APBB1IP: variants seen among roughly 807,000 people sequenced by gnomAD.
The protein encoded by APBB1IP is amyloid beta A4 precursor protein-binding family B member 1-interacting protein.
A neutral mutation model predicts 64.9 loss-of-function variants in APBB1IP; 27 were observed. The observed-to-expected ratio is 0.42, with a 90% CI of 0.31 to 0.57. The LOEUF is 0.57. APBB1IP is among the 20% of genes least tolerant of loss of function. The pLI, the probability that APBB1IP is intolerant of heterozygous loss-of-function variation, is 0.20. For synonymous variants in APBB1IP, 392 were observed against 331.0 expected (o/e 1.18, Z -2.00); for missense variants, 812 against 845.5 (o/e 0.96, Z 0.49).
intron 2 of APBB1IP, among the ~76,000 whole-genome samples, chr10:26,448,486 A>G (rs1835426415): frequency 6.6e-6 from 1 of 152,362 alleles, no homozygotes; most frequent in Admixed American, 6.5e-5. Flanking sequence ...TGAATTGGGC[A>G]GTGCAGATTG....
intron 7 of APBB1IP, among the ~76,000 whole-genome samples, chr10:26,512,664 T>C (rs1250074693): frequency 6.6e-6 from 1 of 152,122 alleles, no homozygotes; most frequent in East Asian, 1.9e-4. Flanking sequence ...TACAGTGCAA[T>C]GGCGCAATCA....
chr10:26,524,091 G>A (rs765014702), intron 8 of APBB1IP, among the ~76,000 whole-genome samples: 1 of 152,156 alleles, frequency 6.6e-6, no homozygotes, highest in Non-Finnish European at 1.5e-5. Flanking sequence ...TAAGAAGCCA[G>A]ACGATCTCTG....
chr10:26,511,649 C>G, intron 6 of APBB1IP, 98 bp from the exon 7 acceptor site: 2 of 1,412,110 alleles, frequency 1.4e-6, no homozygotes, highest in Non-Finnish European at 1.9e-6. Context: ...CACATTCTTA[C>G]AGAAATTTGC....
At chr10:26,439,715 G>T (rs1835319677) in intron 2 of APBB1IP, among the ~76,000 whole-genome samples, 1 of 152,178 alleles carries the variant, frequency 6.6e-6, no homozygotes. Context: ...ACGAGACGGA[G>T]TACTAGAGGA....
chr10:26,510,867 C>A (rs1427723454), intron 6 of APBB1IP, among the ~76,000 whole-genome samples: 1 of 152,002 alleles, frequency 6.6e-6, no homozygotes, highest in Non-Finnish European at 1.5e-5. Context: ...CTCAAATGTG[C>A]CCTGCTCTAA....
intron 4 of APBB1IP, among the ~76,000 whole-genome samples, chr10:26,499,205 A>G (rs1381969176): frequency 6.6e-6 from 1 of 151,950 alleles, no homozygotes; most frequent in East Asian, 1.9e-4. Context: ...GGTCGAGGCT[A>G]CAGTGAGCTA....
intron 3 of APBB1IP, among the ~76,000 whole-genome samples, chr10:26,495,512 T>C (rs1012968355): frequency 6.7e-6 from 1 of 148,756 alleles, no homozygotes; most frequent in African/African-American, 2.5e-5. Flanking sequence ...CTCACACCTG[T>C]AATCCCAGCA....
intron 8 of APBB1IP, among the ~76,000 whole-genome samples, chr10:26,524,974 T>TTTTTTTTTTCTTTTA (rs1554778195): frequency 7.9e-6 from 1 of 126,694 alleles, no homozygotes; most frequent in Non-Finnish European, 1.7e-5. Flanking sequence ...TTTTTTTTTT[T>TTTTTTTTTTCTTTTA]ATAAAAAAAG....
intron 2 of APBB1IP, among the ~76,000 whole-genome samples, chr10:26,455,313 A>G (rs1036037659): frequency 6.6e-6 from 1 of 152,122 alleles, no homozygotes; most frequent in African/African-American, 2.4e-5. Context: ...GCGGATCACA[A>G]GGTCAGGAGT....
At chr10:26,505,063 T>G (rs1441761913) in intron 6 of APBB1IP, among the ~76,000 whole-genome samples, 1 of 152,088 alleles carries the variant, frequency 6.6e-6, no homozygotes, top group Non-Finnish European at 1.5e-5. Context: ...GCTCTTCATC[T>G]GATTTCAACT....
chr10:26,530,928 A>C lies in APBB1IP; in HGVS notation c.814-2511A>C, dbSNP rs1045124527. On this transcript the variant is annotated intron_variant, in intron 8 of 14. Transcript: ENST00000376236. Reference sequence around the variant, plus strand: ...CTTCAAGCAAAACATTTAAGATTTAAATAGTTTTCTGAATTCTATATTGTA... The same window carrying C: ...CTTCAAGCAAAACATTTAAGATTTACATAGTTTTCTGAATTCTATATTGTA... 3.9e-5 allele frequency among the ~76,000 whole-genome samples: 6 copies of C among 152,244 alleles called. No homozygotes were observed. In the East Asian group the frequency reaches 1.2e-3, roughly 29 times the overall value.
chr10:26,544,232 C>G (rs1391178062), intron 11 of APBB1IP, among the ~76,000 whole-genome samples: 4 of 152,152 alleles, frequency 2.6e-5, no homozygotes, highest in African/African-American at 9.7e-5. Context: ...GATAAATTAC[C>G]AAAATGGAGC....
intron 6 of APBB1IP, among the ~76,000 whole-genome samples, chr10:26,504,401 A>G (rs1347356144): frequency 1.3e-5 from 2 of 152,196 alleles, no homozygotes; most frequent in African/African-American, 4.8e-5. Context: ...AATATACCTA[A>G]TGATAATAAA....
At chr10:26,489,241 T>C (rs141784009) in intron 2 of APBB1IP, among the ~76,000 whole-genome samples, 1 of 152,318 alleles carries the variant, frequency 6.6e-6, no homozygotes, top group East Asian at 1.9e-4. Context: ...TTTTTGTGTT[T>C]CTCAAGAGGG....
At chr10:26,544,658 G>C (rs1201166394) in intron 11 of APBB1IP, among the ~76,000 whole-genome samples, 2 of 152,144 alleles carry the variant, frequency 1.3e-5, no homozygotes, top group Non-Finnish European at 2.9e-5. Context: ...AAAAGACAAG[G>C]TCTCTGACAA....
chr10:26,502,345 A>C (rs1473239586), intron 5 of APBB1IP, among the ~76,000 whole-genome samples: 1 of 152,194 alleles, frequency 6.6e-6, no homozygotes, highest in Non-Finnish European at 1.5e-5. Flanking sequence ...TGTAAGTTTA[A>C]ATTTCAGTCT....
chr10:26,467,143 C>T (rs1034899775), intron 2 of APBB1IP, among the ~76,000 whole-genome samples: 5 of 151,930 alleles, frequency 3.3e-5, no homozygotes, highest in Admixed American at 2.6e-4. Context: ...TGGCCTCAAG[C>T]GATCCACCTG....
chr10:26,490,378 A>G (rs535192146), intron 2 of APBB1IP, among the ~76,000 whole-genome samples: 2 of 152,310 alleles, frequency 1.3e-5, no homozygotes, highest in African/African-American at 4.8e-5. Context: ...TAATCCCAGC[A>G]TTTTGGGAAG....
At chr10:26,445,747 T>C (rs558423246) in intron 2 of APBB1IP, among the ~76,000 whole-genome samples, 3 of 152,348 alleles carry the variant, frequency 2.0e-5, no homozygotes, top group South Asian at 4.1e-4. Context: ...GTTTGCCCCT[T>C]ACACAACTGG....
Sources: gnomAD v4.1 joint callset for allele counts (sites outside exome capture counted in the v4.1 genomes callset) on GRCh38, gnomAD v4.1.1 for gene constraint, MANE v1.5 for transcripts, NCBI Gene and HGNC (gene_info 2026-07-23, HGNC 2026-07-21) for gene names.